The following MACROD2 variants were observed in gnomAD, a reference collection of about 807,000 sequenced individuals.
MACROD2 encodes the protein mono-ADP ribosylhydrolase 2, also known as ADP-ribose glycohydrolase MACROD2.
Under a neutral mutation model 70.4 loss-of-function variants are expected in MACROD2, and 36 were observed. That is an observed-to-expected ratio of 0.51 (90% CI 0.39 to 0.68). MACROD2 has a LOEUF of 0.68. MACROD2 is among the 30% of genes least tolerant of loss of function. The pLI is 0.00. For synonymous variants in MACROD2, 172 were observed against 178.8 expected, an observed-to-expected ratio of 0.96 and a Z score of 0.30; for missense variants, 496 against 538.4, an observed-to-expected ratio of 0.92 and a Z score of 0.78.
At chr20:14,241,521 T>TTA (rs1191318022) in intron 3 of MACROD2, among the ~76,000 whole-genome samples, 2 of 151,996 alleles carry the variant, frequency 1.3e-5, no homozygotes, top group Non-Finnish European at 1.5e-5. Context: ...ATTTATCAAA[T>TTA]TATATATATA....
At chr20:14,361,266 T>C (rs997613711) in intron 3 of MACROD2, among the ~76,000 whole-genome samples, 3 of 152,130 alleles carry the variant, frequency 2.0e-5, no homozygotes, top group African/African-American at 7.2e-5. Flanking sequence ...TTATAAAATA[T>C]TTTTGCTTCC....
rs559284836 is a variant in MACROD2 at position 16,020,582 on chromosome 20, C to G, written c.1154-20619C>G. On this transcript the variant is annotated intron_variant, in intron 15 of 17. Transcript: ENST00000684519. Reference sequence around the variant, plus strand: ...TGCTCAGCGAATGTCTGCTACGTAACGAAAGCAAAGTGGCCTACTAGATGT... The same window carrying G: ...TGCTCAGCGAATGTCTGCTACGTAAGGAAAGCAAAGTGGCCTACTAGATGT... Among the ~76,000 whole-genome samples, 11 of 150,070 alleles carry G rather than the reference C, an allele frequency of 7.3e-5. No individual in the cohort carries two copies. In the East Asian group the frequency reaches 1.9e-3, roughly 27 times the overall value.
intron 8 of MACROD2, among the ~76,000 whole-genome samples, chr20:15,684,319 A>AG (rs2050199022): frequency 6.6e-6 from 1 of 152,198 alleles, no homozygotes; most frequent in Non-Finnish European, 1.5e-5. Context: ...CATGACAGTC[A>AG]ATAGATAGGA....
chr20:14,268,277 G>A (rs955549824), intron 3 of MACROD2, among the ~76,000 whole-genome samples: 1 of 152,062 alleles, frequency 6.6e-6, no homozygotes, highest in African/African-American at 2.4e-5. Flanking sequence ...AGTATCATCT[G>A]ATACTCTATT....
intron 12 of MACROD2, among the ~76,000 whole-genome samples, chr20:15,940,989 G>T (rs550025476): frequency 7.2e-5 from 11 of 152,234 alleles, no homozygotes; most frequent in Admixed American, 5.2e-4. Context: ...TTTCAGGCTG[G>T]GATTTTTCCT....
chr20:14,845,042 G>A (rs1334479201), intron 5 of MACROD2, among the ~76,000 whole-genome samples: 1 of 152,094 alleles, frequency 6.6e-6, no homozygotes, highest in African/African-American at 2.4e-5. Flanking sequence ...TCTAGCTCAT[G>A]TAATGGTAAT....
intron 5 of MACROD2, among the ~76,000 whole-genome samples, chr20:15,177,655 T>C (rs899212640): frequency 1.3e-5 from 2 of 152,244 alleles, no homozygotes; most frequent in Non-Finnish European, 2.9e-5. Flanking sequence ...ATGTGATGTT[T>C]GCTGGTAAAT....
At position 15,820,176 on chromosome 20, in the gene MACROD2, G is replaced by A. The variant is rs74789656; in HGVS notation, c.646-42569G>A. On this transcript the variant is annotated intron_variant, in intron 8 of 17. Coordinates refer to ENST00000684519, the MANE Select transcript of MACROD2 (RefSeq NM_001351661.2). ...TTAGCCATCCTCCACCCCTCTGCCCGTCTTTTTTCTTTTTGGCAGGAGTAG... is the reference window on the plus strand; with the variant it reads ...TTAGCCATCCTCCACCCCTCTGCCCATCTTTTTTCTTTTTGGCAGGAGTAG... Among the ~76,000 whole-genome samples the A allele has an allele frequency of 1.8e-3, 267 of 152,094 alleles. 1 individual carries two copies. In the East Asian group the frequency reaches 0.038, roughly 22 times the overall value.
intron 7 of MACROD2, among the ~76,000 whole-genome samples, chr20:15,465,424 G>C (rs2046872162): frequency 6.6e-6 from 1 of 152,260 alleles, no homozygotes; most frequent in Non-Finnish European, 1.5e-5. Context: ...TCTGTGTTAA[G>C]AGCTTTCAGG....
At chr20:15,038,729 G>C (rs2075333025) in intron 5 of MACROD2, among the ~76,000 whole-genome samples, 1 of 152,190 alleles carries the variant, frequency 6.6e-6, no homozygotes, top group South Asian at 2.1e-4. Context: ...GAGGCCAGGT[G>C]ATGGTCCCTA....
At chr20:15,216,789 C>T (rs185855080) in intron 5 of MACROD2, among the ~76,000 whole-genome samples, 263 of 152,194 alleles carry the variant, frequency 1.7e-3, no homozygotes, top group South Asian at 0.017. Context: ...CAGAAGACGC[C>T]CGTGAAACTG....
intron 17 of MACROD2, among the ~76,000 whole-genome samples, chr20:16,046,153 T>C (rs868536960): frequency 3.3e-5 from 5 of 152,166 alleles, no homozygotes; most frequent in African/African-American, 9.7e-5. Context: ...TTTACCACTC[T>C]TGTGCTCCAG....
chr20:14,959,327 G>A (rs7269414), intron 5 of MACROD2, among the ~76,000 whole-genome samples: 2,406 of 151,916 alleles, frequency 0.016, 61 homozygotes, highest in African/African-American at 0.053. Flanking sequence ...GACGGGTTTC[G>A]CCATGTTGGT....
At chr20:15,346,293 C>T (rs1270380399) in intron 6 of MACROD2, among the ~76,000 whole-genome samples, 3 of 151,990 alleles carry the variant, frequency 2.0e-5, no homozygotes, top group African/African-American at 2.4e-5. Flanking sequence ...AATTCCTGTT[C>T]CTGGAAAGAC....
chr20:14,412,894 G>A (rs2083765285), intron 3 of MACROD2, among the ~76,000 whole-genome samples: 1 of 152,190 alleles, frequency 6.6e-6, no homozygotes, highest in African/African-American at 2.4e-5. Flanking sequence ...AGGAGAACTT[G>A]AAGATTCTAA....
chr20:14,708,349 C>A (rs6042874), intron 5 of MACROD2, among the ~76,000 whole-genome samples: 3,096 of 152,156 alleles, frequency 0.02, 119 homozygotes, highest in African/African-American at 0.07. Flanking sequence ...CAGTATAGTT[C>A]GAAAGAAGCC....
intron 6 of MACROD2, among the ~76,000 whole-genome samples, chr20:15,406,415 CCTT>C (rs2046002046): frequency 6.6e-6 from 1 of 152,100 alleles, no homozygotes. Context: ...GCCTCACTGA[CCTT>C]CTTTAATATG....
intron 3 of MACROD2, among the ~76,000 whole-genome samples, chr20:14,316,672 T>C (rs1017130753): frequency 2.0e-5 from 3 of 152,196 alleles, no homozygotes; most frequent in African/African-American, 7.2e-5. Context: ...AGCCAAAAGA[T>C]TGAACACCCC....
chr20:14,544,948 C>T (rs2085475258), intron 4 of MACROD2, among the ~76,000 whole-genome samples: 1 of 152,114 alleles, frequency 6.6e-6, no homozygotes, highest in Non-Finnish European at 1.5e-5. Flanking sequence ...CAATGAAATA[C>T]AAGTGCTAAC....
Sources: gnomAD v4.1 joint callset for allele counts (sites outside exome capture counted in the v4.1 genomes callset) on GRCh38, gnomAD v4.1.1 for gene constraint, MANE v1.5 for transcripts, NCBI Gene and HGNC (gene_info 2026-07-23, HGNC 2026-07-21) for gene names.